The following TBCK variants were observed in gnomAD, a reference collection of about 807,000 sequenced individuals.
TBCK encodes the protein TBC domain-containing protein kinase-like protein.
A neutral mutation model predicts 113.4 loss-of-function variants in TBCK; 99 were observed. The ratio of observed to expected loss-of-function variants is 0.87; its 90% CI spans 0.74 to 1.03. TBCK has a LOEUF of 1.03. Ranked by LOEUF, TBCK falls within the 50% of genes least tolerant of loss-of-function variation. TBCK has a pLI of 0.00. For synonymous variants in TBCK, 369 were observed against 370.8 expected (o/e 1.00, Z 0.05); for missense variants, 1,045 against 1,061.3 (o/e 0.98, Z 0.21).
chr4:106,098,270 T>C (rs1741160130), intron 24 of TBCK, among the ~76,000 whole-genome samples: 1 of 152,080 alleles, frequency 6.6e-6, no homozygotes, highest in African/African-American at 2.4e-5. Flanking sequence ...AGAGGTTCTA[T>C]AATGAGTGTA....
intron 24 of TBCK, among the ~76,000 whole-genome samples, chr4:106,101,082 A>C (rs1410589583): frequency 1.3e-5 from 2 of 152,098 alleles, no homozygotes; most frequent in African/African-American, 4.8e-5. Flanking sequence ...TATCTATTTT[A>C]GTTATAAGAC....
At chr4:106,092,038 G>A (rs1284443183) in intron 25 of TBCK, among the ~76,000 whole-genome samples, 1 of 152,156 alleles carries the variant, frequency 6.6e-6, no homozygotes, top group Non-Finnish European at 1.5e-5. Context: ...CAAACCCTGA[G>A]CTAGACACAG....
At position 106,082,465 on chromosome 4, in the gene TBCK, T is replaced by A. The variant is rs556184746; in HGVS notation, c.2571+13017A>T. Among the ~76,000 whole-genome samples, 56 of 152,098 alleles carry A rather than the reference T, an allele frequency of 3.7e-4. No homozygotes were observed. The South Asian group carries it at 0.011, about 31-fold the overall frequency. On this transcript the variant is annotated intron_variant, in intron 25 of 25. Coordinates refer to ENST00000394708, the MANE Select transcript of TBCK (RefSeq NM_001163435.3). The stretch of plus-strand genomic sequence containing the variant: ...AAGAATGGTGGGGAGAGAGACATGG[T>A]TTTTAGGGCTACCTGTCAGGTACTA...
chr4:106,244,599 A>T, intron 11 of TBCK, 27 bp downstream of exon 11: 1 of 1,509,096 alleles, frequency 6.6e-7, no homozygotes, highest in Non-Finnish European at 8.9e-7. Flanking sequence ...ATTTATTTAA[A>T]TTCCCAAGAG....
At chr4:106,282,789 G>A (rs1329784580) in intron 3 of TBCK, among the ~76,000 whole-genome samples, 1 of 152,074 alleles carries the variant, frequency 6.6e-6, no homozygotes, top group Non-Finnish European at 1.5e-5. Context: ...TACAATCTTG[G>A]CAGAGGGAAT....
intron 24 of TBCK, among the ~76,000 whole-genome samples, chr4:106,099,604 A>C (rs1284885998): frequency 1.3e-5 from 2 of 152,220 alleles, no homozygotes; most frequent in Non-Finnish European, 1.5e-5. Flanking sequence ...TGCTAAATCT[A>C]TTGATAGTCT....
At chr4:106,077,587 G>T (rs973333025) in intron 25 of TBCK, among the ~76,000 whole-genome samples, 2 of 151,930 alleles carry the variant, frequency 1.3e-5, no homozygotes, top group African/African-American at 4.8e-5. Flanking sequence ...AATAATAAGG[G>T]GCTCAATCCA....
chr4:106,103,957 A>G (rs1741847702), intron 24 of TBCK, among the ~76,000 whole-genome samples: 1 of 152,156 alleles, frequency 6.6e-6, no homozygotes, highest in African/African-American at 2.4e-5. Flanking sequence ...GGCCCCAGAA[A>G]AACACACTTC....
At chr4:106,231,801 A>G (rs756643603) in intron 17 of TBCK, 22 bp from the exon 18 acceptor site, 11 of 1,596,994 alleles carry the variant, frequency 6.9e-6, no homozygotes, top group Non-Finnish European at 9.4e-6. Flanking sequence ...GGGTTGGGAG[A>G]AAGAAGTCAA....
intron 25 of TBCK, among the ~76,000 whole-genome samples, chr4:106,078,810 A>G (rs535557982): frequency 1.3e-5 from 2 of 152,156 alleles, no homozygotes; most frequent in African/African-American, 2.4e-5. Flanking sequence ...TCATCCTCAT[A>G]CCAAAATCTG....
At chr4:106,049,424 A>T (rs1734564966) in intron 25 of TBCK, among the ~76,000 whole-genome samples, 1 of 151,984 alleles carries the variant, frequency 6.6e-6, no homozygotes, top group African/African-American at 2.4e-5. Flanking sequence ...TGACTCTTAA[A>T]GGGAATGAGA....
At chr4:106,128,912 T>C (rs1745541240) in intron 23 of TBCK, among the ~76,000 whole-genome samples, 1 of 152,088 alleles carries the variant, frequency 6.6e-6, no homozygotes, top group Non-Finnish European at 1.5e-5. Flanking sequence ...AAAAGATTAA[T>C]TGGATATAAT....
chr4:106,116,699 A>AT (rs1277871551), intron 23 of TBCK, among the ~76,000 whole-genome samples: 1 of 152,090 alleles, frequency 6.6e-6, no homozygotes, highest in African/African-American at 2.4e-5. Context: ...CAGTGGTGGA[A>AT]TTAGATTCTC....
At chr4:106,217,345 A>G (rs1478489230) in intron 19 of TBCK, among the ~76,000 whole-genome samples, 3 of 152,122 alleles carry the variant, frequency 2.0e-5, no homozygotes, top group Admixed American at 6.5e-5. Flanking sequence ...CCTATTCAAC[A>G]TAGTGTTGGA....
chr4:106,263,353 C>T (rs1426549392), intron 3 of TBCK, among the ~76,000 whole-genome samples: 5 of 151,724 alleles, frequency 3.3e-5, no homozygotes, highest in Non-Finnish European at 7.4e-5. Flanking sequence ...AGATTAAGTA[C>T]AAATGGTCTC....
At chr4:106,227,942 T>C (rs1228894618) in intron 19 of TBCK, among the ~76,000 whole-genome samples, 1 of 152,030 alleles carries the variant, frequency 6.6e-6, no homozygotes, top group Admixed American at 6.5e-5. Context: ...TGAATATTTC[T>C]ATGTACCAGA....
intron 23 of TBCK, among the ~76,000 whole-genome samples, chr4:106,150,731 A>C (rs1438904251): frequency 6.6e-6 from 1 of 152,120 alleles, no homozygotes; most frequent in Admixed American, 6.6e-5. Flanking sequence ...ACACAAAGAT[A>C]AGTATGTAAT....
chr4:106,050,114 A>C (rs1226900681), intron 25 of TBCK, among the ~76,000 whole-genome samples: 2 of 152,016 alleles, frequency 1.3e-5, no homozygotes, highest in Non-Finnish European at 1.5e-5. Context: ...TTAATGTGAA[A>C]CAGATTATTG....
chr4:106,241,500 A>G (rs1760136608), intron 12 of TBCK, among the ~76,000 whole-genome samples: 2 of 152,006 alleles, frequency 1.3e-5, no homozygotes, highest in Non-Finnish European at 2.9e-5. Flanking sequence ...CAGTTCACAT[A>G]AAACTACAGA....
Sources: gnomAD v4.1 joint callset for allele counts (sites outside exome capture counted in the v4.1 genomes callset) on GRCh38, gnomAD v4.1.1 for gene constraint, MANE v1.5 for transcripts, NCBI Gene and HGNC (gene_info 2026-07-23, HGNC 2026-07-21) for gene names.